KCNT1: variants seen among roughly 807,000 people sequenced by gnomAD.
KCNT1 encodes the protein potassium channel subfamily T member 1.
KCNT1 carries 78 observed loss-of-function variants against 147.8 expected under a neutral mutation model. That is an observed-to-expected ratio of 0.53 (90% confidence interval 0.44 to 0.64). The LOEUF (loss-of-function observed/expected upper bound fraction) is 0.64. Among genes scored for constraint, KCNT1 ranks in the 30% least tolerant of loss-of-function variants. The pLI is 0.00. For missense variants in KCNT1, 1,419 were observed against 1,750.3 expected (o/e 0.81, Z 3.38); for synonymous variants, 867 against 748.8 (o/e 1.16, Z -2.58).
chr9:135,792,160 G>A lies in KCNT1; in HGVS notation c.3707G>A (p.Ter1236=). 6.2e-7 allele frequency: 1 copy of A among 1,605,026 alleles called. No individual in the cohort carries two copies. The highest frequency in any genetic ancestry group is 8.5e-7 in the Non-Finnish European group (1 of 1,179,516). The change falls in exon 31 of 31, where the codon TGA becomes TAA. Residue 1236 remains the stop codon, a stop_retained_variant. Transcript: ENST00000371757. ...NPETRDETQL[*] is the part of the protein sequence containing the mutation. ...GAGACTCGCGACGAGACACAGCTCT[G>A]AGCCAGCCCTGCACGGAGCTCAGGC...
chr9:135,759,955 G>A, intron 11 of KCNT1, 96 bp downstream of exon 11: 1 of 1,193,992 alleles, frequency 8.4e-7, no homozygotes, highest in Non-Finnish European at 1.1e-6. Context: ...GCACAGTGCG[G>A]GGGCCACTCC....
chr9:135,730,129 G>A lies in KCNT1; in HGVS notation c.254+15409G>A, dbSNP rs1836369942. Among the ~76,000 whole-genome samples, 1 of 152,168 alleles carries A rather than the reference G, an allele frequency of 6.6e-6. No homozygotes were observed. Among genetic ancestry groups the A allele is most frequent in the African/African-American group, 2.4e-5 (1 of 41,430 alleles). On this transcript the variant is annotated intron_variant, in intron 2 of 30. Coordinates refer to ENST00000371757, the MANE Select transcript of KCNT1 (RefSeq NM_020822.3). This position sits in a 1 kb window ranked among gnomAD's most constrained non-coding sequence, Gnocchi z 4.7. ...GCACCCCCAAATATAATTCCTGCTG[G>A]AAACACCCTCGACCCTTTCTCTTTA...
chr9:135,731,101 G>T (rs1010480460), intron 2 of KCNT1, among the ~76,000 whole-genome samples: 1 of 151,300 alleles, frequency 6.6e-6, no homozygotes, highest in Non-Finnish European at 1.5e-5. Context: ...TCCCCTCTGA[G>T]ATCCCACCGC....
In KCNT1 at chr9:135,785,397, A is replaced by T. The variant is rs111386077; in HGVS notation, c.3177+67A>T. 4,926 of 1,581,154 alleles carry T rather than the reference A, an allele frequency of 3.1e-3. 88 individuals are homozygous for T. In the African/African-American group the frequency reaches 0.043, roughly 14 times the overall value. ...CAGAACATCGCAGCTTCACATGGAG[A>T]AGCCTGCCAGGCCCCACCCACCCAC... is the stretch of plus-strand genomic sequence containing the variant. On this transcript the variant is annotated intron_variant, in intron 28 of 30. Coordinates refer to ENST00000371757, the MANE Select transcript of KCNT1 (RefSeq NM_020822.3).
chr9:135,791,530 C>T (rs548287412), intron 29 of KCNT1: 35 of 481,492 alleles, frequency 7.3e-5, no homozygotes, highest in Non-Finnish European at 9.9e-5. Context: ...CCCTTTGCTG[C>T]GATGCCACCT....
chr9:135,795,320 TAC>T lies in KCNT1; in HGVS notation c.*3161_*3162del, dbSNP rs1473355131. On this transcript the variant is annotated 3_prime_UTR_variant, in exon 31 of 31. Coordinates refer to ENST00000371757, the MANE Select transcript of KCNT1 (RefSeq NM_020822.3). ...ATAGCTAGACGTGGTGGCATGTGCA[TAC>T]AGTCCCAGGTACCCAAGAGGCTGAG... 2.0e-5 allele frequency: 3 copies of T among 151,172 alleles called. No individual in the cohort carries two copies. In the East Asian group the frequency reaches 5.8e-4, roughly 29 times the overall value. 9.4% of individuals were successfully genotyped at this position (151,172 alleles called of 1,614,324 possible).
intron 19 of KCNT1, among the ~76,000 whole-genome samples, chr9:135,774,717 C>T (rs758598087): frequency 2.6e-5 from 4 of 151,880 alleles, no homozygotes; most frequent in Non-Finnish European, 4.4e-5. Context: ...GTGTTCATTT[C>T]TGTGCGCATG....
chr9:135,770,278 G>GGCCCC lies in KCNT1; in HGVS notation c.1620-15_1620-11dup. The GGCCCC allele has an allele frequency of 6.4e-7, 1 of 1,572,336 alleles. No homozygotes were observed. The highest frequency in any genetic ancestry group is 8.6e-7 in the Non-Finnish European group (1 of 1,157,430). ...CCATGGCCGAGGGTGACGCTCCCCT[G>GGCCCC]GCCCCGCCCTGGCCCACAGGGAGGG... On this transcript the variant is annotated intron_variant, in intron 16 of 30. Transcript: ENST00000371757.
At chr9:135,729,414 CG>C (rs1467207536) in intron 2 of KCNT1, among the ~76,000 whole-genome samples, 1 of 152,252 alleles carries the variant, frequency 6.6e-6, no homozygotes, top group Admixed American at 6.5e-5. Context: ...CCGCAGATGG[CG>C]GGAATGAGCC....
At chr9:135,760,035 G>A (rs1047032952) in intron 11 of KCNT1, among the ~76,000 whole-genome samples, 176 bp downstream of exon 11, 6 of 152,196 alleles carry the variant, frequency 3.9e-5, no homozygotes, top group Admixed American at 6.5e-5. Flanking sequence ...GGTCTACGGC[G>A]GGTCCGGTGG....
intron 1 of KCNT1, among the ~76,000 whole-genome samples, chr9:135,709,976 C>T (rs538312314): frequency 5.3e-5 from 8 of 152,214 alleles, no homozygotes; most frequent in South Asian, 2.1e-4. Context: ...CCACTGCACC[C>T]GGCCATGTTT....
In KCNT1 at chr9:135,730,280, C is replaced by T. The variant is rs1425732818; in HGVS notation, c.254+15560C>T. 1.3e-5 allele frequency among the ~76,000 whole-genome samples: 2 copies of T among 152,154 alleles called. No individual in the cohort carries two copies. The highest frequency in any genetic ancestry group is 6.5e-5 in the Admixed American group (1 of 15,274). On this transcript the variant is annotated intron_variant, in intron 2 of 30. Transcript: ENST00000371757. This position sits in a 1 kb window ranked among gnomAD's most constrained non-coding sequence, Gnocchi z 4.7. ...GACCCATGGAGTTCCGTGGACCTGCCGTGTGTGGTGGGCCAAATAATGCTC... is the reference window on the plus strand; with the variant it reads ...GACCCATGGAGTTCCGTGGACCTGCTGTGTGTGGTGGGCCAAATAATGCTC...
At chr9:135,736,683 G>C (rs193043598) in intron 2 of KCNT1, 12 of 322,874 alleles carry the variant, frequency 3.7e-5, no homozygotes, top group East Asian at 4.7e-5. Flanking sequence ...AGGCGGGCCC[G>C]GGGGGCGCCC....
At chr9:135,786,036 C>T (rs1006286284) in intron 28 of KCNT1, 161 bp from the exon 29 acceptor site, 2 of 635,630 alleles carry the variant, frequency 3.1e-6, no homozygotes, top group East Asian at 2.8e-5. Flanking sequence ...GGCACATGCA[C>T]CCTGGGGTCT....
In KCNT1 at chr9:135,747,147, G is replaced by A. The variant is rs192058973; in HGVS notation, c.255-2951G>A. Among the ~76,000 whole-genome samples, 51 of 152,228 alleles carry A rather than the reference G, an allele frequency of 3.4e-4. 1 individual carries two copies. The East Asian group carries it at 7.4e-3, about 22-fold the overall frequency. ...TGGGGTCCCCCAAGGAGAACGGAGC[G>A]GAGGGGAGAACAACAGAGCTCGGGG... is the stretch of plus-strand genomic sequence containing the variant. On this transcript the variant is annotated intron_variant, in intron 2 of 30. Coordinates refer to ENST00000371757, the MANE Select transcript of KCNT1 (RefSeq NM_020822.3).
At chr9:135,736,241 A>G (rs1169992204) in intron 2 of KCNT1, among the ~76,000 whole-genome samples, 1 of 152,132 alleles carries the variant, frequency 6.6e-6, no homozygotes, top group East Asian at 1.9e-4. Context: ...CCTGAGCGCC[A>G]GGCCTGGTCC....
chr9:135,729,122 T>C (rs972291993), intron 2 of KCNT1, among the ~76,000 whole-genome samples: 25 of 152,194 alleles, frequency 1.6e-4, no homozygotes, highest in African/African-American at 5.8e-4. Flanking sequence ...ACACGGGAGA[T>C]ATAATTAAGT....
intron 2 of KCNT1, among the ~76,000 whole-genome samples, chr9:135,733,260 CACAACTGCCCT>C (rs1830188417): frequency 1.7e-5 from 1 of 58,098 alleles, no homozygotes; most frequent in Non-Finnish European, 3.5e-5. Context: ...GCACCTGCCC[CACAACTGCCCT>C]CACACCTGCC....
rs1376169503 is a variant in KCNT1, at chr9:135,727,366, TCTCTCC to T, written c.254+12658_254+12663del. On this transcript the variant is annotated intron_variant, in intron 2 of 30. Transcript: ENST00000371757. ...TTCTCCCTCTTTCCCATTCTCTCTC[TCTCTCC>T]CTCTCCCTCTCTCTCCCTCTCTCTC... 6.4e-5 allele frequency among the ~76,000 whole-genome samples: 8 copies of T among 124,444 alleles called. No homozygotes were observed. The East Asian group carries it at 1.8e-3, about 28-fold the overall frequency. The allele number at this position is 124,444 out of a possible 152,430, so 81.6% of individuals were successfully genotyped here.
Sources: allele counts gnomAD v4.1 joint callset (sites outside exome capture counted in the v4.1 genomes callset), GRCh38; gene constraint gnomAD v4.1.1; non-coding constraint Gnocchi (gnomAD v3.1); transcripts MANE v1.5; gene names NCBI Gene and HGNC (gene_info 2026-07-23, HGNC 2026-07-21).